The following GLIS3 variants were observed in gnomAD, a reference collection of about 807,000 sequenced individuals.
GLIS3 encodes GLIS family zinc finger 3, also known as zinc finger protein GLIS3.
Under a neutral mutation model 78.6 loss-of-function variants are expected in GLIS3, and 53 were observed. The observed-to-expected ratio is 0.67, with a 90% CI of 0.54 to 0.85. The LOEUF (loss-of-function observed/expected upper bound fraction) is 0.85. Ranked by LOEUF, GLIS3 falls within the 40% of genes least tolerant of loss-of-function variation. The pLI is 0.00. For missense variants in GLIS3, 1,703 were observed against 1,231.1 expected (o/e 1.38, Z -5.74); for synonymous variants, 684 against 509.9 (o/e 1.34, Z -4.60).
chr9:4,001,067 C>T (rs772002393), intron 4 of GLIS3, among the ~76,000 whole-genome samples: 42 of 152,210 alleles, frequency 2.8e-4, no homozygotes, highest in Non-Finnish European at 5.6e-4. Context: ...ATGTCATGCA[C>T]TGTGCCAGGC....
intron 8 of GLIS3, among the ~76,000 whole-genome samples, chr9:3,860,694 G>C (rs1421116687): frequency 6.6e-6 from 1 of 152,004 alleles, no homozygotes; most frequent in Non-Finnish European, 1.5e-5. Flanking sequence ...TTACTAGCTG[G>C]GTAAACAAGT....
At chr9:4,016,934 A>G (rs1822493184) in intron 4 of GLIS3, among the ~76,000 whole-genome samples, 1 of 152,182 alleles carries the variant, frequency 6.6e-6, no homozygotes, top group African/African-American at 2.4e-5. Context: ...ACGCAGCCCA[A>G]GAGATTTTCT....
intron 6 of GLIS3, among the ~76,000 whole-genome samples, chr9:3,926,629 T>C (rs975750273): frequency 1.3e-5 from 2 of 151,930 alleles, no homozygotes; most frequent in African/African-American, 4.8e-5. Flanking sequence ...CCTTCTTTTC[T>C]TTCTTTCTTT....
At chr9:4,191,047 A>C (rs1818290047) in intron 2 of GLIS3, among the ~76,000 whole-genome samples, 1 of 152,000 alleles carries the variant, frequency 6.6e-6, no homozygotes. Context: ...TAAACATGGA[A>C]AGGAACAACT....
At chr9:3,979,702 C>T (rs1387188662) in intron 4 of GLIS3, among the ~76,000 whole-genome samples, 1 of 152,146 alleles carries the variant, frequency 6.6e-6, no homozygotes, top group Non-Finnish European at 1.5e-5. Context: ...CCTGTTTTCC[C>T]CAACACTAGA....
chr9:4,251,969 G>C (rs1001216507), intron 2 of GLIS3, among the ~76,000 whole-genome samples: 1 of 152,220 alleles, frequency 6.6e-6, no homozygotes, highest in Non-Finnish European at 1.5e-5. Flanking sequence ...TGTGCCGAGA[G>C]ATCTGCTGTT....
chr9:4,250,618 C>G (rs1007529881), intron 2 of GLIS3, among the ~76,000 whole-genome samples: 5 of 152,126 alleles, frequency 3.3e-5, no homozygotes, highest in African/African-American at 1.2e-4. Context: ...TCCTTCAGTT[C>G]TGCTCTGATC....
At chr9:4,465,510 T>C in the GLIS3 span, among the ~76,000 whole-genome samples, 411 of 150,660 alleles carry the variant, frequency 2.7e-3, 4 homozygotes, top group African/African-American at 9.1e-3. Context: ...GATCATGCCA[T>C]TGCACTCCGG....
the GLIS3 span, among the ~76,000 whole-genome samples, chr9:4,398,186 C>G: frequency 6.6e-6 from 1 of 151,572 alleles, no homozygotes; most frequent in African/African-American, 2.4e-5. Flanking sequence ...ATATTCTTCC[C>G]CAATGGAATC....
At chr9:4,142,284 A>T (rs995848772) in intron 2 of GLIS3, among the ~76,000 whole-genome samples, 1 of 152,256 alleles carries the variant, frequency 6.6e-6, no homozygotes, top group African/African-American at 2.4e-5. Flanking sequence ...GAAAAAGTTA[A>T]ATGTTAATCA....
At chr9:4,482,705 G>A in the GLIS3 span, among the ~76,000 whole-genome samples, 17 of 152,256 alleles carry the variant, frequency 1.1e-4, no homozygotes, top group African/African-American at 4.1e-4. Context: ...TATATGGTCT[G>A]TTGATGTAAC....
At chr9:4,387,992 T>G in the GLIS3 span, among the ~76,000 whole-genome samples, 1 of 152,216 alleles carries the variant, frequency 6.6e-6, no homozygotes, top group Non-Finnish European at 1.5e-5. Context: ...CTTCTGGCAA[T>G]GTTCTCTTTA....
chr9:3,837,897 A>G (rs536520261), intron 9 of GLIS3, among the ~76,000 whole-genome samples: 1 of 151,388 alleles, frequency 6.6e-6, no homozygotes, highest in African/African-American at 2.4e-5. Context: ...TCAGCTGTGG[A>G]CTTTGAGTGA....
chr9:3,874,350 G>A (rs1821162382), intron 8 of GLIS3, among the ~76,000 whole-genome samples: 1 of 152,226 alleles, frequency 6.6e-6, no homozygotes, highest in African/African-American at 2.4e-5. Context: ...CGGTAGGCCT[G>A]GAGAGGGCAT....
the GLIS3 span, among the ~76,000 whole-genome samples, chr9:4,479,135 A>G: frequency 6.6e-6 from 1 of 152,226 alleles, no homozygotes; most frequent in African/African-American, 2.4e-5. Context: ...CATTTTGTCT[A>G]GACTGGTGTC....
chr9:4,440,429 G>T, the GLIS3 span, among the ~76,000 whole-genome samples: 1 of 152,144 alleles, frequency 6.6e-6, no homozygotes, highest in African/African-American at 2.4e-5. Context: ...ACAATTTATG[G>T]AAAAGACTGA....
the GLIS3 span, among the ~76,000 whole-genome samples, chr9:4,432,186 T>C: frequency 6.6e-6 from 1 of 152,034 alleles, no homozygotes; most frequent in African/African-American, 2.4e-5. Flanking sequence ...AAACAATGTT[T>C]CTAAAGTGCC....
the GLIS3 span, among the ~76,000 whole-genome samples, chr9:4,402,021 T>A: frequency 1.3e-5 from 2 of 152,160 alleles, no homozygotes; most frequent in Admixed American, 6.5e-5. Context: ...AATCCCTGGC[T>A]CCCAGACAAC....
intron 2 of GLIS3, among the ~76,000 whole-genome samples, chr9:4,321,199 T>G (rs1362599320): frequency 1.3e-5 from 2 of 149,176 alleles, no homozygotes; most frequent in Non-Finnish European, 3.0e-5. Context: ...GGCGGGCGGA[T>G]CACAAGGTCA....
Sources: gnomAD v4.1 joint callset for allele counts (sites outside exome capture counted in the v4.1 genomes callset) on GRCh38, gnomAD v4.1.1 for gene constraint, MANE v1.5 for transcripts, NCBI Gene and HGNC (gene_info 2026-07-23, HGNC 2026-07-21) for gene names.